The following ASH1L variants were observed in gnomAD, a reference collection of about 807,000 sequenced individuals.
ASH1L encodes ASH1 like histone lysine methyltransferase, also known as histone-lysine N-methyltransferase ASH1L.
ASH1L carries 23 observed loss-of-function variants against 269.0 expected under a neutral mutation model. The ratio of observed to expected loss-of-function variants is 0.09; its 90% CI spans 0.06 to 0.12. ASH1L has a LOEUF of 0.12. Ranked by LOEUF, ASH1L falls within the 10% of genes least tolerant of loss-of-function variation. The pLI is 1.00. For missense variants in ASH1L, 2,912 were observed against 3,567.8 expected, an observed-to-expected ratio of 0.82 and a Z score of 4.68; for synonymous variants, 1,187 against 1,253.5, an observed-to-expected ratio of 0.95 and a Z score of 1.12.
chr1:155,387,847 C>T (rs531135044), intron 7 of ASH1L, among the ~76,000 whole-genome samples: 14 of 152,264 alleles, frequency 9.2e-5, no homozygotes, highest in South Asian at 6.2e-4. Context: ...AGAGATCCTT[C>T]GCTTCCCTAG....
intron 7 of ASH1L, among the ~76,000 whole-genome samples, chr1:155,391,737 T>G (rs1342556985): frequency 6.6e-6 from 1 of 152,090 alleles, no homozygotes; most frequent in Non-Finnish European, 1.5e-5. Flanking sequence ...GGCAAACTGC[T>G]TGAACTCAAG....
At chr1:155,477,776 A>T in intron 3 of ASH1L, 110 bp downstream of exon 3, 1 of 1,073,528 alleles carries the variant, frequency 9.3e-7, no homozygotes, top group South Asian at 3.1e-5. Flanking sequence ...TACACTTATT[A>T]AAAAACAAAA....
At chr1:155,359,209 G>A (rs1157091140) in intron 13 of ASH1L, among the ~76,000 whole-genome samples, 1 of 152,170 alleles carries the variant, frequency 6.6e-6, no homozygotes, top group Non-Finnish European at 1.5e-5. Context: ...TGATACTCCT[G>A]TCTCAGCCTC....
intron 25 of ASH1L, among the ~76,000 whole-genome samples, chr1:155,340,048 T>A (rs1652644198): frequency 6.6e-6 from 1 of 152,092 alleles, no homozygotes; most frequent in East Asian, 1.9e-4. Context: ...AGCTATTGAT[T>A]GAGCAAGCAA....
rs1558007354 is a variant in ASH1L, at chr1:155,336,380, TACACACAC to T, written c.*1272_*1279del. The T allele has an allele frequency of 6.6e-6, 1 of 151,292 alleles. No homozygotes were observed. Among genetic ancestry groups the T allele is most frequent in the African/African-American group, 2.4e-5 (1 of 40,952 alleles). 9.4% of individuals were successfully genotyped at this position (151,292 alleles called of 1,614,324 possible). A position where few individuals can be genotyped will look rare whatever the true frequency, so the allele number is the denominator to read the frequency against. On this transcript the variant is annotated 3_prime_UTR_variant, in exon 28 of 28. Coordinates refer to ENST00000392403, the MANE Select transcript of ASH1L (RefSeq NM_018489.3). The stretch of plus-strand genomic sequence containing the variant: ...ATATATACACACACACATATATATA[TACACACAC>T]ATACACACATATATATACACACACA...
chr1:155,527,432 G>T (rs1476220895), intron 1 of ASH1L, among the ~76,000 whole-genome samples: 3 of 150,918 alleles, frequency 2.0e-5, no homozygotes, highest in East Asian at 2.0e-4. Flanking sequence ...TTGCTAAGAA[G>T]AATGATCAAT....
In ASH1L at chr1:155,480,190, T is replaced by G; in HGVS notation, c.2680A>C (p.Lys894Gln). The G allele has an allele frequency of 6.2e-7, 1 of 1,614,192 alleles. No homozygotes were observed. Reference protein sequence around the residue: ...SPFPKKRGRPKRQMRSPVKMK... With the variant: ...SPFPKKRGRPQRQMRSPVKMK... The stretch of plus-strand genomic sequence containing the variant: ...TTGACTGGTGACCTCATTTGCCTCT[T>G]AGGCCTGCCTCTCTTTTTTGGAAAA... The change falls in exon 3 of 28, where the codon AAG becomes CAG. Residue 894 changes from lysine (K) to glutamine (Q), a missense_variant. Physicochemically the swap from Lys to Gln is moderately conservative, Grantham distance 53. This residue lies in a region of ASH1L where 715 missense variants were observed against 721.0 expected (regional missense o/e 0.99). Transcript: ENST00000392403.
At chr1:155,412,734 G>A (rs1425935722) in intron 6 of ASH1L, among the ~76,000 whole-genome samples, 1 of 152,110 alleles carries the variant, frequency 6.6e-6, no homozygotes, top group African/African-American at 2.4e-5. Context: ...TGGTCTAAAG[G>A]GAGGGTGGCG....
At chr1:155,372,766 C>T (rs918937551) in intron 10 of ASH1L, among the ~76,000 whole-genome samples, 3 of 152,102 alleles carry the variant, frequency 2.0e-5, no homozygotes, top group African/African-American at 7.2e-5. Context: ...CATGAACTAC[C>T]ACACCCAGCC....
intron 10 of ASH1L, among the ~76,000 whole-genome samples, chr1:155,377,350 C>T (rs1200754488): frequency 2.0e-5 from 3 of 152,194 alleles, no homozygotes; most frequent in African/African-American, 7.2e-5. Context: ...TGCCCTTCCT[C>T]TTCACTCTCA....
At chr1:155,508,751 A>G (rs1446306472) in intron 2 of ASH1L, among the ~76,000 whole-genome samples, 1 of 152,232 alleles carries the variant, frequency 6.6e-6, no homozygotes, top group East Asian at 1.9e-4. Flanking sequence ...TTACAACAAA[A>G]TAACTCAAAC....
chr1:155,431,327 G>A (rs944723179), intron 5 of ASH1L, among the ~76,000 whole-genome samples: 7 of 151,912 alleles, frequency 4.6e-5, no homozygotes, highest in African/African-American at 1.7e-4. Context: ...GTCACACTCT[G>A]TCACCAAGGC....
In ASH1L at chr1:155,437,861, G is replaced by A. The variant is rs1368573708; in HGVS notation, c.5828+466C>T. ...TGGTTACTTGCCCTTTGCTTCTTTT[G>A]TGTTTGTTTTTGAGACAGGGTCTCG... On this transcript the variant is annotated intron_variant, in intron 5 of 27. Transcript: ENST00000392403. Among the ~76,000 whole-genome samples, 3 of 152,156 alleles carry A rather than the reference G, an allele frequency of 2.0e-5. No individual in the cohort carries two copies. In the East Asian group the frequency reaches 5.8e-4, roughly 29 times the overall value.
At chr1:155,505,690 A>G (rs1175420298) in intron 2 of ASH1L, among the ~76,000 whole-genome samples, 1 of 152,200 alleles carries the variant, frequency 6.6e-6, no homozygotes, top group Non-Finnish European at 1.5e-5. Context: ...AAAAACACTG[A>G]ACTGTACATT....
chr1:155,555,390 A>G lies in ASH1L; in HGVS notation c.-100+6763T>C, dbSNP rs574879625. 1.9e-3 allele frequency among the ~76,000 whole-genome samples: 291 copies of G among 150,706 alleles called. 1 individual carries two copies. The highest frequency in any genetic ancestry group is 6.5e-3 in the African/African-American group (267 of 41,088). ...CTCGCACCTGTAGTCCAAGCTACTC[A>G]GGAGGCTGAGGCAGGAGAATCACTT... is the stretch of plus-strand genomic sequence containing the variant. On this transcript the variant is annotated intron_variant, in intron 1 of 27. Coordinates refer to ENST00000392403, the MANE Select transcript of ASH1L (RefSeq NM_018489.3).
chr1:155,374,086 T>TG (rs1656217575), intron 10 of ASH1L, among the ~76,000 whole-genome samples: 1 of 152,152 alleles, frequency 6.6e-6, no homozygotes, highest in African/African-American at 2.4e-5. Context: ...CCCAGCACTT[T>TG]GGGGGGCAGA....
intron 4 of ASH1L, among the ~76,000 whole-genome samples, chr1:155,440,863 C>G (rs1025760990): frequency 7.2e-5 from 11 of 152,192 alleles, no homozygotes; most frequent in African/African-American, 2.7e-4. Flanking sequence ...TTCAAACTAG[C>G]TCCTCCATCC....
At chr1:155,450,422 G>A (rs1478569966) in intron 4 of ASH1L, among the ~76,000 whole-genome samples, 1 of 152,182 alleles carries the variant, frequency 6.6e-6, no homozygotes, top group Admixed American at 6.5e-5. Context: ...TCTATCCCAT[G>A]TATATTAGCC....
intron 4 of ASH1L, among the ~76,000 whole-genome samples, chr1:155,447,810 T>C (rs904314382): frequency 2.6e-5 from 4 of 152,222 alleles, no homozygotes; most frequent in African/African-American, 7.2e-5. Context: ...ATTCTGTGGG[T>C]TGTCTCTTCA....
Sources: allele counts gnomAD v4.1 joint callset (sites outside exome capture counted in the v4.1 genomes callset), GRCh38; gene constraint gnomAD v4.1.1; regional missense constraint gnomAD v4.1.1; transcripts MANE v1.5; gene names NCBI Gene and HGNC (gene_info 2026-07-23, HGNC 2026-07-21).